Variants in MAPK8IP3 observed in about 807,000 individuals in gnomAD.
MAPK8IP3 encodes mitogen-activated protein kinase 8 interacting protein 3.
A neutral mutation model predicts 157.8 loss-of-function variants in MAPK8IP3; 49 were observed. The ratio of observed to expected loss-of-function variants is 0.31; its 90% CI spans 0.25 to 0.39. MAPK8IP3 has a LOEUF of 0.39. MAPK8IP3 is among the 10% of genes least tolerant of loss of function. The probability of loss-of-function intolerance (pLI) is 1.00; values close to 1 mark genes in which losing one functional copy is unlikely to be tolerated. For synonymous variants in MAPK8IP3, 897 were observed against 777.7 expected, an observed-to-expected ratio of 1.15 and a Z score of -2.55; for missense variants, 1,478 against 1,889.4, an observed-to-expected ratio of 0.78 and a Z score of 4.04.
At chr16:1,731,483 G>A (rs546775540) in intron 4 of MAPK8IP3, among the ~76,000 whole-genome samples, 6 of 152,350 alleles carry the variant, frequency 3.9e-5, no homozygotes, top group South Asian at 2.1e-4. Context: ...CCAGATGCCC[G>A]GAGAGGAGAC....
chr16:1,728,206 G>A (rs2039023535), intron 2 of MAPK8IP3, among the ~76,000 whole-genome samples: 1 of 152,218 alleles, frequency 6.6e-6, no homozygotes, highest in Non-Finnish European at 1.5e-5. Flanking sequence ...GGCAGATCAC[G>A]TCTGGGGCCA....
At chr16:1,750,470 C>T (rs908506153) in intron 8 of MAPK8IP3, among the ~76,000 whole-genome samples, 9 of 152,100 alleles carry the variant, frequency 5.9e-5, no homozygotes, top group African/African-American at 1.7e-4. Context: ...GCCTCAGGCT[C>T]CCAAAGTACT....
chr16:1,734,206 A>G (rs2039504377), intron 4 of MAPK8IP3, among the ~76,000 whole-genome samples: 1 of 152,226 alleles, frequency 6.6e-6, no homozygotes, highest in South Asian at 2.1e-4. Context: ...GCCCTGCGGG[A>G]AGAAGGCGCT....
chr16:1,750,509 G>A (rs760126446), intron 8 of MAPK8IP3, among the ~76,000 whole-genome samples: 6 of 151,896 alleles, frequency 4.0e-5, no homozygotes, highest in East Asian at 3.9e-4. Context: ...CACCATGCCC[G>A]GCCGATAATG....
chr16:1,739,579 AC>A (rs1020743670), intron 4 of MAPK8IP3, among the ~76,000 whole-genome samples: 2 of 38,824 alleles, frequency 5.2e-5, no homozygotes, highest in African/African-American at 2.2e-4. Context: ...TGTGTGTGTG[AC>A]CGTCCGTGTG....
At chr16:1,749,481 C>CAGA (rs1034470023) in intron 8 of MAPK8IP3, among the ~76,000 whole-genome samples, 1 of 151,650 alleles carries the variant, frequency 6.6e-6, no homozygotes, top group African/African-American at 2.4e-5. Flanking sequence ...GCCCTGGCTT[C>CAGA]ACCTCAGCGC....
chr16:1,713,365 C>G (rs760491035), intron 1 of MAPK8IP3, among the ~76,000 whole-genome samples: 2 of 152,168 alleles, frequency 1.3e-5, no homozygotes, highest in Admixed American at 1.3e-4. Context: ...ACTACAGGCT[C>G]GTGCCACCAT....
At chr16:1,756,443 C>T (rs557036022) in intron 8 of MAPK8IP3, among the ~76,000 whole-genome samples, 6 of 151,700 alleles carry the variant, frequency 4.0e-5, no homozygotes, top group African/African-American at 7.3e-5. Flanking sequence ...AGGTGGATCG[C>T]GCCACTTCAC....
chr16:1,713,946 T>TA (rs1358115595), intron 1 of MAPK8IP3: 2 of 152,222 alleles, frequency 1.3e-5, no homozygotes, highest in East Asian at 3.8e-4. Context: ...CCCTGTGTCC[T>TA]ATGTAATCCC....
At chr16:1,748,846 C>T (rs1201845397) in intron 8 of MAPK8IP3, 126 bp downstream of exon 8, 2 of 881,978 alleles carry the variant, frequency 2.3e-6, no homozygotes, top group Non-Finnish European at 3.8e-6. Flanking sequence ...TTTTTTCCAG[C>T]TTTGTTGAGT....
intron 4 of MAPK8IP3, among the ~76,000 whole-genome samples, chr16:1,738,308 C>G (rs2040227633): frequency 2.7e-5 from 2 of 74,914 alleles, no homozygotes; most frequent in South Asian, 9.2e-4. Flanking sequence ...ATCTGTGTGA[C>G]CGTCCGTGTG....
In MAPK8IP3 at chr16:1,766,117, C is replaced by T. The variant is rs911957649; in HGVS notation, c.2604C>T (p.Asp868=). ...GGAGCAACTGCTCCTCCCGAGGGGA[C>T]ACCCCAGTGCTAGACAAGGGGCAGG... The part of the protein sequence containing the change: ...VPRSNCSSRG[D]TPVLDKGQGE... Residue 868 remains aspartate, a synonymous_variant, in exon 21 of 32, where the codon GAC becomes GAT. Transcript: ENST00000610761. 1.2e-6 allele frequency: 2 copies of T among 1,612,154 alleles called. No homozygotes were observed. The highest frequency in any genetic ancestry group is 1.7e-6 in the Non-Finnish European group (2 of 1,179,546).
chr16:1,737,321 CGTGT>C lies in MAPK8IP3; in HGVS notation c.603-6009_603-6006del, dbSNP rs141317373. Among the ~76,000 whole-genome samples the C allele has an allele frequency of 3.1e-3, 272 of 86,526 alleles. 15 individuals are homozygous for C. The highest frequency in any genetic ancestry group is 0.014 in the African/African-American group (260 of 18,748). 56.8% of individuals were successfully genotyped at this position (86,526 alleles called of 152,430 possible). A position where few individuals can be genotyped will look rare whatever the true frequency, so the allele number is the denominator to read the frequency against. The stretch of plus-strand genomic sequence containing the variant: ...CCATGTGAGCATCTGTGTGACCGTC[CGTGT>C]GAGCATCCGTGTGAGCGTGACCGTC... On this transcript the variant is annotated intron_variant, in intron 4 of 31. Coordinates refer to ENST00000610761, the MANE Select transcript of MAPK8IP3 (RefSeq NM_001318852.2).
At chr16:1,763,095 G>A in intron 16 of MAPK8IP3, 89 bp downstream of exon 16, 1 of 1,536,580 alleles carries the variant, frequency 6.5e-7, no homozygotes, top group South Asian at 1.2e-5. Flanking sequence ...CCTGAAGCGG[G>A]ACTTTGAGGG....
rs1165941700 is a variant in MAPK8IP3 at position 1,710,392 on chromosome 16, GA to G, written c.318+3737del. Reference sequence around the variant, plus strand: ...GGAGGCTGAGGCAGGAGAATCACTTGAACCCAGGAGGCAGATGTTGTGGTGA... The same window carrying G: ...GGAGGCTGAGGCAGGAGAATCACTTGACCCAGGAGGCAGATGTTGTGGTGA... On this transcript the variant is annotated intron_variant, in intron 1 of 31. Coordinates refer to ENST00000610761, the MANE Select transcript of MAPK8IP3 (RefSeq NM_001318852.2). The surrounding 1 kb of genome is among the most constrained non-coding windows in gnomAD (Gnocchi z 4.1). Among the ~76,000 whole-genome samples, 1 of 152,168 alleles carries G rather than the reference GA, an allele frequency of 6.6e-6. No homozygotes were observed. The highest frequency in any genetic ancestry group is 1.5e-5 in the Non-Finnish European group (1 of 68,034).
Position 1,767,933 on chromosome 16 carries a change from C to CCCCT in MAPK8IP3, c.3523+15_3523+16insCCCT, listed in dbSNP as rs1567214446. The CCCCT allele has an allele frequency of 1.2e-6, 2 of 1,609,112 alleles. No homozygotes were observed. Among genetic ancestry groups the CCCCT allele is most frequent in the African/African-American group, 2.7e-5 (2 of 74,880 alleles). On this transcript the variant is annotated intron_variant, in intron 28 of 31. Coordinates refer to ENST00000610761, the MANE Select transcript of MAPK8IP3 (RefSeq NM_001318852.2). ...CCTGACAGAGAGTGAGTGGCCTGCA[C>CCCCT]ACCTGCAGGGGCAGTGGTGCTGCCA... is the stretch of plus-strand genomic sequence containing the variant.
Position 1,761,231 on chromosome 16 carries a change from T to C in MAPK8IP3, c.1465T>C (p.Ser489Pro). ...ELEEELKRVK[S>P]EAIIARREPK... ...TCCTTCCCCTTCCCACAGAGTGAAGTCCGAGGCCATCATCGCCCGCCGTGA... is the reference window on the plus strand; with the variant it reads ...TCCTTCCCCTTCCCACAGAGTGAAGCCCGAGGCCATCATCGCCCGCCGTGA... Residue 489 changes from serine to proline, a missense_variant, in exon 13 of 32, where the codon TCC (serine) becomes CCC (proline). Transcript: ENST00000610761. The C allele has an allele frequency of 3.1e-6, 5 of 1,613,396 alleles. No homozygotes were observed. The highest frequency in any genetic ancestry group is 4.2e-6 in the Non-Finnish European group (5 of 1,179,890).
At chr16:1,722,799 G>C (rs2038616489) in intron 1 of MAPK8IP3, among the ~76,000 whole-genome samples, 3 of 151,932 alleles carry the variant, frequency 2.0e-5, no homozygotes, top group African/African-American at 7.3e-5. Flanking sequence ...CTGCCTCCCA[G>C]GTTCACGCCA....
In MAPK8IP3 at chr16:1,764,403, G is replaced by C. The variant is rs1377132121; in HGVS notation, c.2224G>C (p.Asp742His). 6 of 1,603,298 alleles carry C rather than the reference G, an allele frequency of 3.7e-6. No homozygotes were observed. The highest frequency in any genetic ancestry group is 5.1e-6 in the Non-Finnish European group (6 of 1,176,598). Residue 742 changes from aspartate to histidine, a missense_variant, in exon 19 of 32, where the codon GAC becomes CAC. Around this residue, in one of 11 missense-constraint regions of MAPK8IP3, gnomAD observed 669 missense variants for 759.8 expected, o/e 0.88. Coordinates refer to ENST00000610761, the MANE Select transcript of MAPK8IP3 (RefSeq NM_001318852.2). ...GCCAGGCCGCGATCCCCTGACCTGC[G>C]ACCGCGAAGGAGACGGCGAGCCCAA... is the stretch of plus-strand genomic sequence containing the variant. Reference protein sequence around the residue: ...PAPGRDPLTCDREGDGEPKSA... With the variant: ...PAPGRDPLTCHREGDGEPKSA...
Sources: allele counts gnomAD v4.1 joint callset (sites outside exome capture counted in the v4.1 genomes callset), GRCh38; gene constraint gnomAD v4.1.1; regional missense constraint gnomAD v4.1.1; non-coding constraint Gnocchi (gnomAD v3.1); transcripts MANE v1.5; gene names NCBI Gene and HGNC (gene_info 2026-07-23, HGNC 2026-07-21).